ABI2: variants seen among roughly 807,000 people sequenced by gnomAD.
ABI2 encodes the protein abl interactor 2, also known as abelson interactor 2.
In ABI2, 25 loss-of-function variants were observed where a neutral mutation model predicts 59.2. That is an observed-to-expected ratio of 0.42 (90% CI 0.31 to 0.59). ABI2 has a LOEUF of 0.59. Ranked by LOEUF, ABI2 falls within the 20% of genes least tolerant of loss-of-function variation. The pLI is 0.14. For synonymous variants in ABI2, 213 were observed against 235.5 expected, an observed-to-expected ratio of 0.90 and a Z score of 0.87; for missense variants, 545 against 681.8, an observed-to-expected ratio of 0.80 and a Z score of 2.23.
Position 203,411,443 on chromosome 2 carries a change from G to A in ABI2, c.1279+72G>A, listed in dbSNP as rs750443013. On this transcript the variant is annotated intron_variant, in intron 10 of 11. Coordinates refer to ENST00000261018, the MANE Select transcript of ABI2 (RefSeq NM_001375670.1). ...AATGTCATTTATATGTGATTGACTG[G>A]ATAGTCATTCATTTGCTGATACTTC... 110 of 1,148,056 alleles carry A rather than the reference G, an allele frequency of 9.6e-5. No homozygotes were observed. In the Middle Eastern group the frequency reaches 9.9e-4, roughly 10 times the overall value. 71.1% of individuals were successfully genotyped at this position (1,148,056 alleles called of 1,614,324 possible). A position where few individuals can be genotyped will look rare whatever the true frequency, so the allele number is the denominator to read the frequency against.
Position 203,360,060 on chromosome 2 carries a change from C to T in ABI2, c.118-6817C>T, listed in dbSNP as rs944854725. ...ATTAGCTGGGCGTGGTGGTGCATGC[C>T]TGTAGTCCCAGCTACTCAGGAGGCT... On this transcript the variant is annotated intron_variant, in intron 1 of 11. Coordinates refer to ENST00000261018, the MANE Select transcript of ABI2 (RefSeq NM_001375670.1). Among the ~76,000 whole-genome samples the T allele has an allele frequency of 3.3e-5, 5 of 151,720 alleles. No homozygotes were observed. In the South Asian group the frequency reaches 8.3e-4, roughly 25 times the overall value.
At chr2:203,354,842 AT>A (rs2091052115) in intron 1 of ABI2, among the ~76,000 whole-genome samples, 1 of 152,184 alleles carries the variant, frequency 6.6e-6, no homozygotes, top group Admixed American at 6.5e-5. Context: ...CTATCTTAGT[AT>A]CTTCTAAGAC....
intron 1 of ABI2, chr2:203,351,464 A>G (rs779483269): frequency 1.8e-5 from 7 of 394,272 alleles, no homozygotes; most frequent in Admixed American, 6.6e-5. Flanking sequence ...ATCCATGAAC[A>G]TGGATGTCTT....
intron 1 of ABI2, among the ~76,000 whole-genome samples, chr2:203,336,906 C>T (rs1401093357): frequency 6.6e-6 from 1 of 152,170 alleles, no homozygotes; most frequent in Middle Eastern, 3.2e-3. Flanking sequence ...GTTTTGCGTT[C>T]CCACCAGCAA....
At chr2:203,345,451 C>G (rs576868273) in intron 1 of ABI2, among the ~76,000 whole-genome samples, 2 of 152,152 alleles carry the variant, frequency 1.3e-5, no homozygotes, top group Non-Finnish European at 2.9e-5. Flanking sequence ...AAGAACCCAC[C>G]GGAAGGAACC....
intron 1 of ABI2, among the ~76,000 whole-genome samples, chr2:203,360,093 G>T (rs2093221681): frequency 6.6e-6 from 1 of 150,696 alleles, no homozygotes; most frequent in African/African-American, 2.4e-5. Context: ...GCTGAGGCAG[G>T]AGAATCGCCT....
chr2:203,366,307 T>TA (rs2094439041), intron 1 of ABI2, among the ~76,000 whole-genome samples: 2 of 152,164 alleles, frequency 1.3e-5, no homozygotes, highest in Admixed American at 6.5e-5. Flanking sequence ...TTATAACACT[T>TA]ACAATGTTTG....
At chr2:203,334,392 G>T (rs1438681625) in intron 1 of ABI2, among the ~76,000 whole-genome samples, 2 of 152,128 alleles carry the variant, frequency 1.3e-5, no homozygotes, top group East Asian at 3.8e-4. Flanking sequence ...ATATTTTTGA[G>T]CATGAGGTGC....
intron 10 of ABI2, among the ~76,000 whole-genome samples, chr2:203,411,921 T>A (rs954820481): frequency 2.6e-5 from 4 of 152,220 alleles, no homozygotes; most frequent in African/African-American, 9.6e-5. Flanking sequence ...AGGAGGCTGA[T>A]GACAAATCAG....
rs972305503 is a variant in ABI2 at position 203,379,990 on chromosome 2, A to G, written c.286-218A>G. Among the ~76,000 whole-genome samples the G allele has an allele frequency of 2.0e-5, 3 of 152,246 alleles. No individual in the cohort carries two copies. In the South Asian group the frequency reaches 6.2e-4, roughly 32 times the overall value. On this transcript the variant is annotated intron_variant, in intron 2 of 11. Transcript: ENST00000261018. Reference sequence around the variant, plus strand: ...CCACTCTTAGCTTGTGGGCTGTAAAAATCAGATGATGGGCCAGATTTGGCC... The same window carrying G: ...CCACTCTTAGCTTGTGGGCTGTAAAGATCAGATGATGGGCCAGATTTGGCC...
chr2:203,330,974 T>A (rs1399075467), intron 1 of ABI2, among the ~76,000 whole-genome samples: 1 of 152,200 alleles, frequency 6.6e-6, no homozygotes, highest in Non-Finnish European at 1.5e-5. Context: ...GCAATGGGAC[T>A]CAAAATTTAG....
At chr2:203,380,157 G>A (rs370812418) in intron 2 of ABI2, 51 bp from the exon 3 acceptor site, 2 of 1,155,014 alleles carry the variant, frequency 1.7e-6, no homozygotes, top group African/African-American at 3.2e-5. Context: ...TGATTTTTGT[G>A]GATATTAGAA....
At chr2:203,399,049 C>G (rs1302316299) in intron 8 of ABI2, among the ~76,000 whole-genome samples, 1 of 152,004 alleles carries the variant, frequency 6.6e-6, no homozygotes, top group Non-Finnish European at 1.5e-5. Context: ...GTTTTTATAT[C>G]AGGTAAATAC....
chr2:203,394,598 C>T (rs2096898671), intron 5 of ABI2, 102 bp from the exon 6 acceptor site: 1 of 1,180,286 alleles, frequency 8.5e-7, no homozygotes, highest in Non-Finnish European at 1.2e-6. Context: ...AACACATTTC[C>T]TATCTCTGAT....
chr2:203,382,371 C>T (rs1038166810), intron 4 of ABI2, among the ~76,000 whole-genome samples, 165 bp downstream of exon 4: 14 of 151,974 alleles, frequency 9.2e-5, no homozygotes, highest in Admixed American at 8.5e-4. Context: ...CTTCATGTTC[C>T]TTGAGGGCAG....
At chr2:203,330,552 G>A (rs1331874667) in intron 1 of ABI2, among the ~76,000 whole-genome samples, 1 of 152,180 alleles carries the variant, frequency 6.6e-6, no homozygotes, top group African/African-American at 2.4e-5. Context: ...ACTCTGTAGT[G>A]CACTGCTGGT....
At chr2:203,392,035 G>C (rs1437224184) in intron 5 of ABI2, among the ~76,000 whole-genome samples, 1 of 152,062 alleles carries the variant, frequency 6.6e-6, no homozygotes, top group East Asian at 1.9e-4. Flanking sequence ...TTCTGTTTCA[G>C]CTGTGCTGTT....
chr2:203,419,260 C>T (rs2098075533), intron 11 of ABI2, among the ~76,000 whole-genome samples: 1 of 151,626 alleles, frequency 6.6e-6, no homozygotes, highest in Admixed American at 6.6e-5. Flanking sequence ...CCGGCGCCCA[C>T]CACCGCGCCC....
chr2:203,330,439 A>G (rs2152268121), intron 1 of ABI2, among the ~76,000 whole-genome samples: 1 of 151,604 alleles, frequency 6.6e-6, no homozygotes, highest in Non-Finnish European at 1.5e-5. Flanking sequence ...TTTCGCTAAA[A>G]TTGAAAGTCT....
Sources: allele counts gnomAD v4.1 joint callset (sites outside exome capture counted in the v4.1 genomes callset), GRCh38; gene constraint gnomAD v4.1.1; transcripts MANE v1.5; gene names NCBI Gene and HGNC (gene_info 2026-07-23, HGNC 2026-07-21).